The following KLHDC4 variants were observed in gnomAD, a reference collection of about 807,000 sequenced individuals.
KLHDC4 encodes kelch domain-containing protein 4.
In KLHDC4, 90 loss-of-function variants were observed where a neutral mutation model predicts 62.4. The ratio of observed to expected loss-of-function variants is 1.44; its 90% CI spans 1.22 to 1.72. The LOEUF is 1.72. KLHDC4 is among the 40% of genes most tolerant of loss of function. The pLI, the probability that KLHDC4 is intolerant of heterozygous loss-of-function variation, is 0.00. For missense variants in KLHDC4, 1,025 were observed against 699.7 expected, an observed-to-expected ratio of 1.47 and a Z score of -5.25; for synonymous variants, 386 against 284.4, an observed-to-expected ratio of 1.36 and a Z score of -3.59.
downstream of KLHDC4, among the ~76,000 whole-genome samples, chr16:87,706,241 T>A (rs550214579): frequency 1.7e-5 from 1 of 59,996 alleles, no homozygotes; most frequent in Non-Finnish European, 2.8e-5. Context: ...GTCAGCGCAA[T>A]GCAAACACAA....
chr16:87,727,998 C>CA (rs913215261), intron 6 of KLHDC4, among the ~76,000 whole-genome samples: 117 of 152,176 alleles, frequency 7.7e-4, no homozygotes, highest in African/African-American at 2.7e-3. Context: ...ACAGCCTGGA[C>CA]AATATGGTGA....
At chr16:87,755,038 T>G (rs2044642721) in intron 4 of KLHDC4, among the ~76,000 whole-genome samples, 156 bp downstream of exon 4, 1 of 152,114 alleles carries the variant, frequency 6.6e-6, no homozygotes, top group African/African-American at 2.4e-5. Context: ...GTGAAGAAGC[T>G]GAGTAAGGAA....
intron 5 of KLHDC4, among the ~76,000 whole-genome samples, chr16:87,738,378 C>T (rs566629142): frequency 1.3e-5 from 2 of 151,456 alleles, no homozygotes; most frequent in African/African-American, 4.9e-5. Context: ...CACACACACA[C>T]ATCTATATCT....
chr16:87,704,264 C>T (rs1597332045), downstream of KLHDC4, among the ~76,000 whole-genome samples: 1 of 149,124 alleles, frequency 6.7e-6, no homozygotes, highest in South Asian at 2.1e-4. Flanking sequence ...GGGTCCTGAA[C>T]GTCACGGGGA....
intron 7 of KLHDC4, among the ~76,000 whole-genome samples, chr16:87,720,414 G>A (rs560384611): frequency 2.6e-5 from 4 of 152,116 alleles, no homozygotes; most frequent in Non-Finnish European, 5.9e-5. Flanking sequence ...GCCCGAAGAC[G>A]ACTCCTAAAC....
intron 3 of KLHDC4, 38 bp downstream of exon 3, chr16:87,756,361 C>G (rs367734118): frequency 1.0e-5 from 15 of 1,439,734 alleles, no homozygotes; most frequent in Non-Finnish European, 1.4e-5. Flanking sequence ...ATGATACTCA[C>G]GCAACATGGG....
At position 87,709,533 on chromosome 16, in the gene KLHDC4, G is replaced by A. The variant is rs369832791; in HGVS notation, c.1179C>T (p.Gly393=). 39 of 1,612,354 alleles carry A rather than the reference G, an allele frequency of 2.4e-5. No individual in the cohort carries two copies. Among genetic ancestry groups the A allele is most frequent in the African/African-American group, 1.2e-4 (9 of 75,052 alleles). Residue 393 remains glycine, a synonymous_variant, in exon 10 of 12, where the codon GGC becomes GGT. Coordinates refer to ENST00000270583, the MANE Select transcript of KLHDC4 (RefSeq NM_017566.4). The part of the protein sequence containing the change: ...QLVKEVVAED[G]TVVTIKQVLT... ...GCACCTGCTTAATGGTGACCACGGT[G>A]CCATCCTCGGCCACCACCTCCTTGA...
At chr16:87,731,046 CTTTTTTTTTTTTT>C (rs774096264) in intron 5 of KLHDC4, 52 of 72,070 alleles carry the variant, frequency 7.2e-4, no homozygotes, top group East Asian at 1.5e-3. Flanking sequence ...ATACAGAATT[CTTTTTTTTTTTTT>C]TTTTTTTTTT....
chr16:87,744,870 C>T (rs2042795682), intron 5 of KLHDC4, among the ~76,000 whole-genome samples: 1 of 152,202 alleles, frequency 6.6e-6, no homozygotes, highest in South Asian at 2.1e-4. Context: ...CAAGTGCACA[C>T]ACACGAGCAC....
intron 8 of KLHDC4, among the ~76,000 whole-genome samples, chr16:87,712,221 T>A (rs1479334271): frequency 1.3e-5 from 2 of 152,118 alleles, no homozygotes; most frequent in East Asian, 3.9e-4. Flanking sequence ...AATGTGCAGA[T>A]GTCTCCCCAC....
At position 87,743,600 on chromosome 16, in the gene KLHDC4, C is replaced by T. The variant is rs375531745; in HGVS notation, c.506+5073G>A. 1.1e-3 allele frequency among the ~76,000 whole-genome samples: 162 copies of T among 151,934 alleles called. 3 individuals carry two copies. In the East Asian group the frequency reaches 0.03, roughly 28 times the overall value. Reference sequence around the variant, plus strand: ...CTTAAAATACAAAATATTAGCCAGGCGTGGTGGCGGGCGCCTGTAGTCCCA... The same window carrying T: ...CTTAAAATACAAAATATTAGCCAGGTGTGGTGGCGGGCGCCTGTAGTCCCA... On this transcript the variant is annotated intron_variant, in intron 5 of 11. Transcript: ENST00000270583.
chr16:87,745,939 C>T (rs1179231036), intron 5 of KLHDC4, among the ~76,000 whole-genome samples: 1 of 152,128 alleles, frequency 6.6e-6, no homozygotes, highest in East Asian at 1.9e-4. Flanking sequence ...GCAGCAGTAA[C>T]CGAATCCTGC....
chr16:87,736,024 C>T (rs954392901), intron 5 of KLHDC4, among the ~76,000 whole-genome samples: 1 of 152,252 alleles, frequency 6.6e-6, no homozygotes, highest in Non-Finnish European at 1.5e-5. Context: ...TTACAGTCTA[C>T]ACCTTACAAA....
At position 87,753,419 on chromosome 16, in the gene KLHDC4, C is replaced by G. The variant is rs554239880; in HGVS notation, c.369+1775G>C. ...GCCACCACTGAGGGCTAAGCCAGCC[C>G]TAGAGAGAGCGTCAAAGATCAAGAT... On this transcript the variant is annotated intron_variant, in intron 4 of 11. Transcript: ENST00000270583. Among the ~76,000 whole-genome samples, 30 of 143,322 alleles carry G rather than the reference C, an allele frequency of 2.1e-4. No homozygotes were observed. The South Asian group carries it at 7.4e-3, about 35-fold the overall frequency. 94.0% of individuals were successfully genotyped at this position (143,322 alleles called of 152,430 possible).
At chr16:87,704,925 C>T (rs527381459), downstream of KLHDC4, among the ~76,000 whole-genome samples, 3 of 152,170 alleles carry the variant, frequency 2.0e-5, no homozygotes, top group Non-Finnish European at 4.4e-5. Flanking sequence ...CGCGCATGGG[C>T]GGCAGGGGGA....
intron 3 of KLHDC4, 96 bp from the exon 4 acceptor site, chr16:87,755,388 A>C: frequency 1.4e-6 from 1 of 702,840 alleles, no homozygotes; most frequent in East Asian, 3.0e-5. Context: ...TGGGAAACTG[A>C]CATGCTAAAG....
intron 11 of KLHDC4, 109 bp downstream of exon 11, chr16:87,708,241 C>T (rs549057428): frequency 1.4e-4 from 104 of 767,768 alleles, no homozygotes; most frequent in African/African-American, 1.2e-4. Context: ...CACACACCAA[C>T]GTTTTTAAAA....
At chr16:87,714,368 C>T (rs1188881135) in intron 8 of KLHDC4, 130 bp downstream of exon 8, 8 of 833,596 alleles carry the variant, frequency 9.6e-6, no homozygotes, top group East Asian at 1.5e-4. Flanking sequence ...TGAGCCATCT[C>T]GGCAGGCCCT....
At chr16:87,745,236 C>T (rs2042868430) in intron 5 of KLHDC4, among the ~76,000 whole-genome samples, 1 of 152,194 alleles carries the variant, frequency 6.6e-6, no homozygotes, top group African/African-American at 2.4e-5. Flanking sequence ...TCACAACACC[C>T]GCCCTGGGGC....
Sources: allele counts gnomAD v4.1 joint callset (sites outside exome capture counted in the v4.1 genomes callset), GRCh38; gene constraint gnomAD v4.1.1; transcripts MANE v1.5; gene names NCBI Gene and HGNC (gene_info 2026-07-23, HGNC 2026-07-21).